KATNAL1: variants seen among roughly 807,000 people sequenced by gnomAD.
KATNAL1 encodes the protein katanin p60 ATPase-containing subunit A-like 1.
Under a neutral mutation model 55.2 loss-of-function variants are expected in KATNAL1, and 32 were observed. That is an observed-to-expected ratio of 0.58 (90% CI 0.44 to 0.78). The LOEUF (loss-of-function observed/expected upper bound fraction) is 0.78, where lower values mean the gene tolerates loss of function less well. Among genes scored for constraint, KATNAL1 ranks in the 30% least tolerant of loss-of-function variants. KATNAL1 has a pLI of 0.00. For synonymous variants in KATNAL1, 193 were observed against 193.6 expected (o/e 1.00, Z 0.02); for missense variants, 466 against 600.9 (o/e 0.78, Z 2.35).
At chr13:30,223,991 C>T (rs1875184488) in intron 9 of KATNAL1, among the ~76,000 whole-genome samples, 1 of 152,082 alleles carries the variant, frequency 6.6e-6, no homozygotes, top group Admixed American at 6.6e-5. Context: ...AAATTGACAT[C>T]TTACAGAGTA....
chr13:30,215,368 G>A (rs1449223743), intron 9 of KATNAL1, among the ~76,000 whole-genome samples: 1 of 152,314 alleles, frequency 6.6e-6, no homozygotes, highest in Non-Finnish European at 1.5e-5. Flanking sequence ...TCAGTGTGGT[G>A]ATTCCTCAGG....
Position 30,208,110 on chromosome 13 carries a change from T to C in KATNAL1, c.*430A>G, listed in dbSNP as rs1019989607. 4 of 153,028 alleles carry C rather than the reference T, an allele frequency of 2.6e-5. No individual in the cohort carries two copies. Among genetic ancestry groups the C allele is most frequent in the African/African-American group, 7.2e-5 (3 of 41,466 alleles). 9.5% of individuals were successfully genotyped at this position (153,028 alleles called of 1,614,324 possible). A position where few individuals can be genotyped will look rare whatever the true frequency, so the allele number is the denominator to read the frequency against. On this transcript the variant is annotated 3_prime_UTR_variant, in exon 11 of 11. Transcript: ENST00000380615. ...TATACTGTCATTCTTCTCTTAACAA[T>C]GAATGTTTGACACAAATCCAATTTT... is the stretch of plus-strand genomic sequence containing the variant.
Position 30,230,600 on chromosome 13 carries a change from T to C in KATNAL1, c.886-6A>G. ...GTAGGGGCATAAAATCTAGCCTTTA[T>C]GAAAATATTTTAAAGAAATCATTCA... On this transcript the variant is annotated splice_region_variant and splice_polypyrimidine_tract_variant and intron_variant, in intron 7 of 10. Coordinates refer to ENST00000380615, the MANE Select transcript of KATNAL1 (RefSeq NM_032116.5). The C allele has an allele frequency of 6.3e-7, 1 of 1,577,108 alleles. No homozygotes were observed. The highest frequency in any genetic ancestry group is 8.6e-7 in the Non-Finnish European group (1 of 1,159,962).
intron 6 of KATNAL1, among the ~76,000 whole-genome samples, chr13:30,235,746 T>C (rs1166961283): frequency 6.6e-6 from 1 of 152,130 alleles, no homozygotes; most frequent in Non-Finnish European, 1.5e-5. Flanking sequence ...CCTTTGGCTA[T>C]AATAACACTG....
At position 30,280,226 on chromosome 13, in the gene KATNAL1, TAAAA is replaced by T. The variant is rs376904265; in HGVS notation, c.163-7_163-4del. 8.0e-7 allele frequency: 1 copy of T among 1,256,726 alleles called. No individual in the cohort carries two copies. The highest frequency in any genetic ancestry group is 1.1e-6 in the Non-Finnish European group (1 of 927,514). 77.8% of individuals were successfully genotyped at this position (1,256,726 alleles called of 1,614,324 possible). ...TCCTCCAATAATTCCTGCCGAACCT[TAAAA>T]AAAAAAAATAGGCTTTATGCTAGAA... On this transcript the variant is annotated splice_polypyrimidine_tract_variant and splice_region_variant and intron_variant, in intron 2 of 10. Transcript: ENST00000380615.
In KATNAL1 at chr13:30,227,367, G is replaced by C. The variant is rs755575515; in HGVS notation, c.1147+45C>G. On this transcript the variant is annotated intron_variant, in intron 9 of 10. Transcript: ENST00000380615. ...ATAAAGATTTAGATACATGGGAAAG[G>C]TAACAAAAAGTAACAGAAAGCTCAA... The C allele has an allele frequency of 1.5e-5, 23 of 1,570,962 alleles. 1 individual carries two copies. The South Asian group carries it at 2.4e-4, about 17-fold the overall frequency.
chr13:30,240,971 G>C lies in KATNAL1; in HGVS notation c.608C>G (p.Pro203Arg). 6.2e-7 allele frequency: 1 copy of C among 1,612,156 alleles called. No homozygotes were observed. Among genetic ancestry groups the C allele is most frequent in the Non-Finnish European group, 8.5e-7 (1 of 1,179,218 alleles). Residue 203 changes from proline to arginine, a missense_variant, in exon 5 of 11, where the codon CCT (proline) becomes CGT (arginine). Pro to Arg is a moderately radical substitution (Grantham distance 103). Transcript: ENST00000380615. ...ALERDIVSRN[P>R]SIHWDDIADL... ...GAAAGACTCTAACCAATGAATGCTA[G>C]GATTCCTGGATACAATGTCTCTTTC...
Position 30,255,188 on chromosome 13 carries a change from C to T in KATNAL1, c.492+259G>A, listed in dbSNP as rs534412432. 4.6e-5 allele frequency among the ~76,000 whole-genome samples: 7 copies of T among 152,076 alleles called. No homozygotes were observed. In the East Asian group the frequency reaches 5.8e-4, roughly 13 times the overall value. On this transcript the variant is annotated intron_variant, in intron 4 of 10. Coordinates refer to ENST00000380615, the MANE Select transcript of KATNAL1 (RefSeq NM_032116.5). ...ATATTTTTCAAAAAAGTTTTAAAGC[C>T]GTATTTTTTCTTACAAGGGATCCAT...
Position 30,204,043 on chromosome 13 carries a change from C to G in KATNAL1, c.*4497G>C, listed in dbSNP as rs1872892182. 1 of 151,914 alleles carries G rather than the reference C, an allele frequency of 6.6e-6. No individual in the cohort carries two copies. Among genetic ancestry groups the G allele is most frequent in the South Asian group, 2.1e-4 (1 of 4,824 alleles). The allele number at this position is 151,914 out of a possible 1,614,324, so 9.4% of individuals were successfully genotyped here. The stretch of plus-strand genomic sequence containing the variant: ...AATATTTTTACCCCCCTAACATGTC[C>G]CCTAAGTATAATTTCTGCTTTTTCC... On this transcript the variant is annotated 3_prime_UTR_variant, in exon 11 of 11. Coordinates refer to ENST00000380615, the MANE Select transcript of KATNAL1 (RefSeq NM_032116.5).
At chr13:30,240,633 CTTTTAA>C in intron 5 of KATNAL1, 68 bp from the exon 6 acceptor site, 1 of 1,086,706 alleles carries the variant, frequency 9.2e-7, no homozygotes, top group Non-Finnish European at 1.4e-6. Context: ...AAAACTAATT[CTTTTAA>C]TTTTTTTTTA....
chr13:30,235,960 C>A (rs1398835876), intron 6 of KATNAL1, among the ~76,000 whole-genome samples: 2 of 151,514 alleles, frequency 1.3e-5, no homozygotes, highest in African/African-American at 4.9e-5. Context: ...TACAATAAAG[C>A]TAGAAAAAAG....
At chr13:30,303,691 G>A (rs532343435) in intron 1 of KATNAL1, among the ~76,000 whole-genome samples, 32 of 152,198 alleles carry the variant, frequency 2.1e-4, no homozygotes, top group Non-Finnish European at 3.5e-4. Context: ...CAGAATTGAA[G>A]AATTTTAGAG....
intron 4 of KATNAL1, 22 bp downstream of exon 4, chr13:30,255,425 T>C: frequency 6.8e-7 from 1 of 1,466,804 alleles, no homozygotes; most frequent in African/African-American, 1.4e-5. Flanking sequence ...AGTGAGTGAA[T>C]TACAGAAAGA....
intron 9 of KATNAL1, among the ~76,000 whole-genome samples, chr13:30,220,963 T>C (rs907749717): frequency 6.6e-6 from 1 of 152,222 alleles, no homozygotes; most frequent in Admixed American, 6.5e-5. Context: ...CCTCCCAGAG[T>C]GCTGGGATTA....
At chr13:30,222,508 G>A (rs909237999) in intron 9 of KATNAL1, among the ~76,000 whole-genome samples, 3 of 152,174 alleles carry the variant, frequency 2.0e-5, no homozygotes, top group Non-Finnish European at 4.4e-5. Context: ...GGTCTCGCAG[G>A]AAGTCACAGT....
chr13:30,204,058 C>T lies in KATNAL1; in HGVS notation c.*4482G>A, dbSNP rs1360752651. On this transcript the variant is annotated 3_prime_UTR_variant, in exon 11 of 11. Transcript: ENST00000380615. ...CTAACATGTCCCCTAAGTATAATTT[C>T]TGCTTTTTCCTATTGTGACATATTC... 1.3e-5 allele frequency: 2 copies of T among 151,584 alleles called. No individual in the cohort carries two copies. The highest frequency in any genetic ancestry group is 2.4e-5 in the African/African-American group (1 of 40,924). 9.4% of individuals were successfully genotyped at this position (151,584 alleles called of 1,614,324 possible). A position where few individuals can be genotyped will look rare whatever the true frequency, so the allele number is the denominator to read the frequency against.
intron 9 of KATNAL1, among the ~76,000 whole-genome samples, chr13:30,217,046 A>G (rs1159710944): frequency 1.3e-5 from 2 of 149,916 alleles, no homozygotes; most frequent in Non-Finnish European, 3.0e-5. Context: ...CAGAAAGCAT[A>G]TTCTGTTTCC....
chr13:30,280,175 T>C lies in KATNAL1; in HGVS notation c.211A>G (p.Ser71Gly). ...TCAATTTTAAAACTTTCTAAAGTGC[T>C]GACAATACTTTTAACTTGTTCATAT... ...EEYEQVKSIV[S>G]TLESFKIDKP... Residue 71 changes from serine (S) to glycine (G), a missense_variant, in exon 3 of 11, where the codon AGC (serine) becomes GGC (glycine). This residue lies in a region of KATNAL1 where 248 missense variants were observed against 275.5 expected (regional missense o/e 0.90). Transcript: ENST00000380615. 6.2e-7 allele frequency: 1 copy of C among 1,612,726 alleles called. No individual in the cohort carries two copies. The highest frequency in any genetic ancestry group is 1.1e-5 in the South Asian group (1 of 90,842).
At chr13:30,270,618 C>T (rs552310953) in intron 3 of KATNAL1, among the ~76,000 whole-genome samples, 2 of 151,984 alleles carry the variant, frequency 1.3e-5, no homozygotes, top group East Asian at 1.9e-4. Flanking sequence ...TTACCCCCAA[C>T]CCTGTGCTCT....
Sources: gnomAD v4.1 joint callset for allele counts (sites outside exome capture counted in the v4.1 genomes callset) on GRCh38, gnomAD v4.1.1 for gene constraint, gnomAD v4.1.1 regional missense constraint, MANE v1.5 for transcripts, NCBI Gene and HGNC (gene_info 2026-07-23, HGNC 2026-07-21) for gene names.